The following XYLB variants were observed in gnomAD, a reference collection of about 807,000 sequenced individuals.
The protein encoded by XYLB is xylulokinase.
A neutral mutation model predicts 78.7 loss-of-function variants in XYLB; 62 were observed. The observed-to-expected ratio is 0.79, with a 90% CI of 0.64 to 0.97. XYLB has a LOEUF of 0.97. XYLB is among the 50% of genes least tolerant of loss of function. The pLI is 0.00. For synonymous variants in XYLB, 245 were observed against 247.4 expected (o/e 0.99, Z 0.09); for missense variants, 687 against 676.8 (o/e 1.02, Z -0.17).
At chr3:38,446,864 G>T in the XYLB span, among the ~76,000 whole-genome samples, 1 of 152,128 alleles carries the variant, frequency 6.6e-6, no homozygotes, top group Non-Finnish European at 1.5e-5. Context: ...TCTAGGCAAA[G>T]AATTTATGAC....
chr3:38,440,150 G>T, the XYLB span, among the ~76,000 whole-genome samples: 4 of 152,204 alleles, frequency 2.6e-5, no homozygotes, highest in African/African-American at 7.2e-5. Flanking sequence ...ACAGACTTCA[G>T]CTTTGAGGGG....
At chr3:38,409,600 C>T (rs574308269) in intron 18 of XYLB, among the ~76,000 whole-genome samples, 2 of 152,226 alleles carry the variant, frequency 1.3e-5, no homozygotes, top group African/African-American at 4.8e-5. Flanking sequence ...TCAAATTGTC[C>T]CTGTTTGCAG....
chr3:38,380,686 G>C (rs1707104167), intron 15 of XYLB, among the ~76,000 whole-genome samples: 1 of 152,160 alleles, frequency 6.6e-6, no homozygotes, highest in African/African-American at 2.4e-5. Flanking sequence ...TCTAAGTAAA[G>C]GCACAACAGG....
At chr3:38,446,538 C>A in the XYLB span, among the ~76,000 whole-genome samples, 2 of 152,192 alleles carry the variant, frequency 1.3e-5, no homozygotes, top group South Asian at 4.1e-4. Context: ...GATGTATTAA[C>A]AAAAATAGCA....
At chr3:38,421,367 GGTGA>G (rs1708972547), downstream of XYLB, 1 of 152,246 alleles carries the variant, frequency 6.6e-6, no homozygotes, top group African/African-American at 2.4e-5. Flanking sequence ...CAATCCTCAT[GGTGA>G]GTAAGAAGGG....
At chr3:38,442,465 T>C in the XYLB span, among the ~76,000 whole-genome samples, 330 of 152,240 alleles carry the variant, frequency 2.2e-3, 1 homozygote, top group African/African-American at 6.4e-3. Context: ...AGTTGGGATG[T>C]GTGGTCTGTG....
At chr3:38,378,185 T>C (rs972761689) in intron 14 of XYLB, among the ~76,000 whole-genome samples, 2 of 152,254 alleles carry the variant, frequency 1.3e-5, no homozygotes, top group Non-Finnish European at 1.5e-5. Context: ...AATCTTCTGA[T>C]GGAGGATCAG....
In XYLB at chr3:38,410,991, G is replaced by A. The variant is rs547457836; in HGVS notation, c.1534-1945G>A. 3.0e-3 allele frequency among the ~76,000 whole-genome samples: 457 copies of A among 152,222 alleles called. 3 individuals carry two copies. The highest frequency in any genetic ancestry group is 0.01 in the African/African-American group (434 of 41,538). On this transcript the variant is annotated intron_variant, in intron 18 of 18. Coordinates refer to ENST00000207870, the MANE Select transcript of XYLB (RefSeq NM_005108.4). ...AGTGTGGTGATTCCTCAAGGATCTA[G>A]AACTAGAAATACCATTTGACCCAGC...
chr3:38,352,675 G>A (rs774613008), intron 2 of XYLB, among the ~76,000 whole-genome samples: 1 of 152,068 alleles, frequency 6.6e-6, no homozygotes, highest in Non-Finnish European at 1.5e-5. Context: ...CATGTGTGGT[G>A]GCGTGCACCT....
At chr3:38,349,016 C>T (rs1705216384) in intron 2 of XYLB, among the ~76,000 whole-genome samples, 1 of 152,218 alleles carries the variant, frequency 6.6e-6, no homozygotes, top group Non-Finnish European at 1.5e-5. Flanking sequence ...GAACTCACTT[C>T]TCCAAGTGCT....
intron 18 of XYLB, among the ~76,000 whole-genome samples, chr3:38,406,384 G>A (rs1275484178): frequency 6.6e-6 from 1 of 152,188 alleles, no homozygotes; most frequent in Non-Finnish European, 1.5e-5. Flanking sequence ...AAACCCATCT[G>A]TACATCACCA....
chr3:38,430,393 G>T, the XYLB span, among the ~76,000 whole-genome samples: 1 of 152,168 alleles, frequency 6.6e-6, no homozygotes, highest in East Asian at 1.9e-4. Flanking sequence ...CCCACTTTTT[G>T]ATGGGGTTGT....
At position 38,374,448 on chromosome 3, in the gene XYLB, C is replaced by T. The variant is rs757995717; in HGVS notation, c.848-14C>T. 1.5e-5 allele frequency: 25 copies of T among 1,614,032 alleles called. No homozygotes were observed. Among genetic ancestry groups the T allele is most frequent in the African/African-American group, 1.1e-4 (8 of 75,034 alleles). The stretch of plus-strand genomic sequence containing the variant: ...TGGCCGCCAGCTAACCAGAAGCTCC[C>T]CTCCCATTCTCAGCGTCGCTGGCAG... On this transcript the variant is annotated splice_polypyrimidine_tract_variant and intron_variant, in intron 10 of 18. Coordinates refer to ENST00000207870, the MANE Select transcript of XYLB (RefSeq NM_005108.4).
downstream of XYLB, among the ~76,000 whole-genome samples, chr3:38,416,286 C>T (rs138681015): frequency 2.7e-4 from 41 of 151,776 alleles, no homozygotes; most frequent in African/African-American, 9.7e-4. Flanking sequence ...GTTGACAAAC[C>T]AAGTATATGA....
chr3:38,427,846 C>G, the XYLB span, among the ~76,000 whole-genome samples: 1 of 152,290 alleles, frequency 6.6e-6, no homozygotes, highest in South Asian at 2.1e-4. Context: ...TCCACCTTGG[C>G]CTCCCAAATT....
At chr3:38,423,792 G>A (rs1316718880), downstream of XYLB, among the ~76,000 whole-genome samples, 2 of 152,146 alleles carry the variant, frequency 1.3e-5, no homozygotes, top group Non-Finnish European at 1.5e-5. Context: ...TTACTCCAAT[G>A]TTATAATCAC....
chr3:38,439,926 C>G, the XYLB span, among the ~76,000 whole-genome samples: 10 of 152,066 alleles, frequency 6.6e-5, no homozygotes, highest in Non-Finnish European at 8.8e-5. Context: ...AGGTCTAGGC[C>G]TCAGAGGTTT....
intron 15 of XYLB, among the ~76,000 whole-genome samples, chr3:38,381,072 A>G (rs974628580): frequency 6.1e-4 from 93 of 152,186 alleles, no homozygotes; most frequent in African/African-American, 2.1e-3. Context: ...GGAGTTCGAG[A>G]CCAGACTGGG....
At position 38,348,543 on chromosome 3, in the gene XYLB, C is replaced by T. The variant is rs201984427; in HGVS notation, c.58-7C>T. 9.7e-4 allele frequency: 1,572 copies of T among 1,613,778 alleles called. 1 individual carries two copies. Among genetic ancestry groups the T allele is most frequent in the Non-Finnish European group, 1.1e-3 (1,351 of 1,179,872 alleles). On this transcript the variant is annotated splice_polypyrimidine_tract_variant and splice_region_variant and intron_variant, in intron 1 of 18. Transcript: ENST00000207870. ...TTCTACACTTCCTTTTTTAAAATGC[C>T]TTTCAGGTAAAGGTTGTTGCTGTTG...
Sources: gnomAD v4.1 joint callset for allele counts (sites outside exome capture counted in the v4.1 genomes callset) on GRCh38, gnomAD v4.1.1 for gene constraint, MANE v1.5 for transcripts, NCBI Gene and HGNC (gene_info 2026-07-23, HGNC 2026-07-21) for gene names.